Variants in STK3 observed in about 807,000 individuals in gnomAD.
STK3 encodes the protein serine/threonine-protein kinase 3.
Under a neutral mutation model 58.0 loss-of-function variants are expected in STK3, and 41 were observed. The observed-to-expected ratio is 0.71, with a 90% CI of 0.55 to 0.92. STK3 has a LOEUF of 0.92. Among genes scored for constraint, STK3 ranks in the 40% least tolerant of loss-of-function variants. The pLI is 0.00. For missense variants in STK3, 479 were observed against 602.7 expected (o/e 0.79, Z 2.15); for synonymous variants, 170 against 191.0 (o/e 0.89, Z 0.91).
At chr8:98,758,629 C>T (rs896004501) in intron 3 of STK3, among the ~76,000 whole-genome samples, 2 of 152,244 alleles carry the variant, frequency 1.3e-5, no homozygotes, top group Non-Finnish European at 2.9e-5. Flanking sequence ...CAGCCCCTAA[C>T]AAGAGAGTCA....
chr8:98,802,075 G>A (rs1833593926), intron 1 of STK3, among the ~76,000 whole-genome samples: 1 of 152,182 alleles, frequency 6.6e-6, no homozygotes, highest in East Asian at 1.9e-4. Context: ...AGGAGGCTGA[G>A]GCAGGAGAAT....
intron 1 of STK3, among the ~76,000 whole-genome samples, chr8:98,893,500 GAAAGAA>G (rs1564087428): frequency 2.5e-4 from 29 of 117,276 alleles, no homozygotes; most frequent in African/African-American, 8.4e-4. Context: ...AAGAAAGAAA[GAAAGAA>G]AGAAAGAAAG....
intron 8 of STK3, among the ~76,000 whole-genome samples, chr8:98,564,571 A>C (rs917048119): frequency 1.3e-5 from 2 of 152,152 alleles, no homozygotes; most frequent in African/African-American, 4.8e-5. Flanking sequence ...TGCATAGTAC[A>C]GTGACTGTGG....
At chr8:98,491,162 CG>C (rs1822652272) in intron 10 of STK3, among the ~76,000 whole-genome samples, 2 of 142,844 alleles carry the variant, frequency 1.4e-5, no homozygotes, top group African/African-American at 2.6e-5. Context: ...AAAATAAACA[CG>C]AGAGAGAGAG....
chr8:98,408,610 G>T (rs1818022985), intron 3 of STK3, among the ~76,000 whole-genome samples: 1 of 152,186 alleles, frequency 6.6e-6, no homozygotes, highest in African/African-American at 2.4e-5. Flanking sequence ...TACTCTTAAA[G>T]CGTTTAAGAG....
At chr8:98,523,228 A>C (rs980483107) in intron 10 of STK3, among the ~76,000 whole-genome samples, 2 of 152,182 alleles carry the variant, frequency 1.3e-5, no homozygotes, top group Non-Finnish European at 1.5e-5. Flanking sequence ...TTGTGTTTTG[A>C]TAATAGTCAT....
At chr8:98,387,379 T>C (rs1817800915) in intron 1 of STK3, among the ~76,000 whole-genome samples, 1 of 152,238 alleles carries the variant, frequency 6.6e-6, no homozygotes, top group Admixed American at 6.5e-5. Context: ...CATTTTAAAC[T>C]TGAATTGGAA....
intron 3 of STK3, among the ~76,000 whole-genome samples, chr8:98,424,852 C>T (rs1287428096): frequency 1.3e-5 from 2 of 152,152 alleles, no homozygotes; most frequent in Non-Finnish European, 2.9e-5. Context: ...GGAATGGCGA[C>T]ATGTGGCAGA....
chr8:98,821,531 G>A (rs902176402), intron 1 of STK3, among the ~76,000 whole-genome samples: 4 of 151,428 alleles, frequency 2.6e-5, no homozygotes, highest in African/African-American at 7.3e-5. Flanking sequence ...ATGGTGGTGC[G>A]TGCTTGTGGT....
At chr8:98,652,092 G>A (rs570835042) in intron 6 of STK3, among the ~76,000 whole-genome samples, 2 of 152,278 alleles carry the variant, frequency 1.3e-5, no homozygotes, top group South Asian at 4.1e-4. Context: ...GAAAGGTCAA[G>A]TTACCCACAA....
intron 1 of STK3, among the ~76,000 whole-genome samples, chr8:98,898,207 T>C (rs1838528150): frequency 6.6e-6 from 1 of 152,254 alleles, no homozygotes; most frequent in African/African-American, 2.4e-5. Flanking sequence ...ATGCCGGACC[T>C]TATGGAGAAC....
At position 98,590,760 on chromosome 8, in the gene STK3, G is replaced by A. The variant is rs976722095; in HGVS notation, c.822+5272C>T. ...AAGTTTATCTCATGTAGAAAGCATG[G>A]AGTTGCATTTATCTTATGAACTAAG... On this transcript the variant is annotated intron_variant, in intron 7 of 10. Coordinates refer to ENST00000419617, the MANE Select transcript of STK3 (RefSeq NM_006281.4). Among the ~76,000 whole-genome samples the A allele has an allele frequency of 7.2e-5, 11 of 152,208 alleles. No individual in the cohort carries two copies. In the South Asian group the frequency reaches 1.2e-3, roughly 17 times the overall value.
chr8:98,737,001 G>C (rs139279926), intron 4 of STK3, among the ~76,000 whole-genome samples: 79 of 152,248 alleles, frequency 5.2e-4, no homozygotes, highest in Non-Finnish European at 9.1e-4. Context: ...TCTCACATCA[G>C]AACAGGATTA....
At chr8:98,479,223 C>G (rs1426583316) in intron 10 of STK3, among the ~76,000 whole-genome samples, 1 of 152,088 alleles carries the variant, frequency 6.6e-6, no homozygotes, top group Admixed American at 6.5e-5. Flanking sequence ...TGCGGTGGCT[C>G]ACACCTGCAA....
chr8:98,724,733 G>C (rs1264515230), intron 4 of STK3, among the ~76,000 whole-genome samples: 1 of 152,168 alleles, frequency 6.6e-6, no homozygotes, highest in Non-Finnish European at 1.5e-5. Flanking sequence ...TCCTAAGAGA[G>C]ACTTGTGTGG....
At chr8:98,461,979 G>A (rs1820022671) in intron 10 of STK3, among the ~76,000 whole-genome samples, 1 of 150,396 alleles carries the variant, frequency 6.6e-6, no homozygotes, top group South Asian at 2.1e-4. Context: ...TTTTTTGTGG[G>A]TGCATACCGG....
intron 3 of STK3, among the ~76,000 whole-genome samples, chr8:98,756,353 C>A (rs545211012): frequency 6.6e-6 from 1 of 152,202 alleles, no homozygotes; most frequent in Admixed American, 6.5e-5. Flanking sequence ...CAGAACAAAT[C>A]ACGGTCAAAG....
chr8:98,686,819 C>A lies in STK3; in HGVS notation c.684+19648G>T, dbSNP rs1268848150. ...AGCCTTAACAACAGACTAAACCAAG[C>A]AAAAGAAAGAATTTCAGAGATTGAA... On this transcript the variant is annotated intron_variant, in intron 6 of 10. Coordinates refer to ENST00000419617, the MANE Select transcript of STK3 (RefSeq NM_006281.4). 3.3e-5 allele frequency among the ~76,000 whole-genome samples: 5 copies of A among 151,894 alleles called. No homozygotes were observed. The East Asian group carries it at 9.6e-4, about 29-fold the overall frequency.
intron 1 of STK3, among the ~76,000 whole-genome samples, chr8:98,812,752 T>C (rs1430356136): frequency 6.6e-6 from 1 of 152,182 alleles, no homozygotes; most frequent in African/African-American, 2.4e-5. Flanking sequence ...TGGATGAAGC[T>C]GGAAAACACC....
Sources: allele counts gnomAD v4.1 joint callset (sites outside exome capture counted in the v4.1 genomes callset), GRCh38; gene constraint gnomAD v4.1.1; transcripts MANE v1.5; gene names NCBI Gene and HGNC (gene_info 2026-07-23, HGNC 2026-07-21).